CCDC170: variants seen among roughly 807,000 people sequenced by gnomAD.
CCDC170 encodes the protein coiled-coil domain containing 170, also known as coiled-coil domain-containing protein 170.
CCDC170 carries 69 observed loss-of-function variants against 72.6 expected under a neutral mutation model. That is an observed-to-expected ratio of 0.95 (90% CI 0.78 to 1.16). CCDC170 has a LOEUF of 1.16. CCDC170 is among the 50% of genes most tolerant of loss of function. The pLI is 0.00. For missense variants in CCDC170, 852 were observed against 832.5 expected, an observed-to-expected ratio of 1.02 and a Z score of -0.29; for synonymous variants, 300 against 303.9, an observed-to-expected ratio of 0.99 and a Z score of 0.13.
intron 4 of CCDC170, among the ~76,000 whole-genome samples, chr6:151,547,905 G>C (rs1056831215): frequency 6.6e-6 from 1 of 152,174 alleles, no homozygotes; most frequent in Non-Finnish European, 1.5e-5. Context: ...ATGGCCGTGT[G>C]TTCTCTGTAT....
chr6:151,575,100 G>A (rs9479075), intron 6 of CCDC170, among the ~76,000 whole-genome samples: 72,622 of 152,002 alleles, frequency 0.48, 19,038 homozygotes, highest in Non-Finnish European at 0.6. Context: ...CTTCAGTGCA[G>A]GCTTTGTTTA....
intron 9 of CCDC170, among the ~76,000 whole-genome samples, chr6:151,609,533 T>TA (rs1446694051): frequency 6.6e-6 from 1 of 152,220 alleles, no homozygotes; most frequent in Non-Finnish European, 1.5e-5. Context: ...AGACAGTAGA[T>TA]ACAGTGTTTA....
At chr6:151,530,415 C>A (rs568313775) in intron 1 of CCDC170, among the ~76,000 whole-genome samples, 14 of 150,048 alleles carry the variant, frequency 9.3e-5, no homozygotes, top group Non-Finnish European at 1.6e-4. Context: ...ACTATCTTTT[C>A]ATATGATTAA....
At chr6:151,584,189 A>G (rs964409638) in intron 6 of CCDC170, among the ~76,000 whole-genome samples, 1 of 152,258 alleles carries the variant, frequency 6.6e-6, no homozygotes, top group Non-Finnish European at 1.5e-5. Context: ...TAAGTGCAAT[A>G]AAGTGAGATG....
At chr6:151,548,022 CT>C (rs1782804317) in intron 4 of CCDC170, among the ~76,000 whole-genome samples, 1 of 152,222 alleles carries the variant, frequency 6.6e-6, no homozygotes, top group Non-Finnish European at 1.5e-5. Context: ...AGAGCTTCAC[CT>C]TACCTGATGT....
intron 9 of CCDC170, among the ~76,000 whole-genome samples, chr6:151,598,342 T>G (rs945913649): frequency 6.6e-6 from 1 of 152,190 alleles, no homozygotes; most frequent in African/African-American, 2.4e-5. Context: ...CTCAATTCCC[T>G]GGAGCCTGGA....
chr6:151,602,500 C>T (rs2115128170), intron 9 of CCDC170, among the ~76,000 whole-genome samples: 1 of 152,238 alleles, frequency 6.6e-6, no homozygotes, highest in Middle Eastern at 3.4e-3. Flanking sequence ...CTCTGTGTCC[C>T]TACCCAAATG....
intron 1 of CCDC170, among the ~76,000 whole-genome samples, chr6:151,535,199 A>G (rs919339354): frequency 2.0e-5 from 3 of 152,250 alleles, no homozygotes; most frequent in African/African-American, 7.2e-5. Flanking sequence ...CTGGGAATTT[A>G]CACTTCAAAA....
intron 6 of CCDC170, among the ~76,000 whole-genome samples, chr6:151,574,944 C>T (rs369979493): frequency 6.6e-6 from 1 of 152,162 alleles, no homozygotes; most frequent in African/African-American, 2.4e-5. Context: ...GTGTTGGTGG[C>T]CTGAACAGTC....
chr6:151,567,239 T>C (rs1464023083), intron 5 of CCDC170, among the ~76,000 whole-genome samples: 1 of 152,072 alleles, frequency 6.6e-6, no homozygotes, highest in African/African-American at 2.4e-5. Flanking sequence ...TGTTTTTATG[T>C]TTTGCTTTTC....
At chr6:151,551,154 TTTTG>T (rs1310238767) in intron 5 of CCDC170, among the ~76,000 whole-genome samples, 3 of 152,196 alleles carry the variant, frequency 2.0e-5, no homozygotes, top group African/African-American at 7.2e-5. Flanking sequence ...ATGGTTAGCA[TTTTG>T]TTTTATTTGC....
intron 1 of CCDC170, among the ~76,000 whole-genome samples, chr6:151,523,982 C>G (rs1042465340): frequency 2.6e-5 from 4 of 152,168 alleles, no homozygotes; most frequent in Non-Finnish European, 5.9e-5. Flanking sequence ...AAGGAGAAAG[C>G]TCACTGCAGG....
intron 5 of CCDC170, among the ~76,000 whole-genome samples, chr6:151,552,229 A>G (rs1782891341): frequency 6.6e-6 from 1 of 152,188 alleles, no homozygotes; most frequent in Non-Finnish European, 1.5e-5. Context: ...TTCACATTGC[A>G]TTCTATTAGA....
At chr6:151,543,093 TA>T (rs1184518042) in intron 3 of CCDC170, among the ~76,000 whole-genome samples, 6 of 152,302 alleles carry the variant, frequency 3.9e-5, no homozygotes, top group African/African-American at 9.6e-5. Context: ...CTTGGATATT[TA>T]AAAAATGACA....
intron 5 of CCDC170, among the ~76,000 whole-genome samples, chr6:151,572,932 G>A (rs1004628696): frequency 6.6e-6 from 1 of 151,962 alleles, no homozygotes; most frequent in Non-Finnish European, 1.5e-5. Flanking sequence ...GATTACAGGT[G>A]TGAGCCACCA....
chr6:151,510,606 G>A (rs1344289895), intron 1 of CCDC170, among the ~76,000 whole-genome samples: 1 of 152,122 alleles, frequency 6.6e-6, no homozygotes, highest in Non-Finnish European at 1.5e-5. Flanking sequence ...AAGATAGAAT[G>A]AGTTAAGGAA....
At chr6:151,501,498 A>G (rs973370716) in intron 1 of CCDC170, among the ~76,000 whole-genome samples, 10 of 152,194 alleles carry the variant, frequency 6.6e-5, no homozygotes, top group African/African-American at 1.7e-4. Flanking sequence ...GAATTCTAAA[A>G]TTATTTCAGA....
Position 151,571,112 on chromosome 6 carries a change from G to A in CCDC170, c.775-2062G>A, listed in dbSNP as rs531856376. On this transcript the variant is annotated intron_variant, in intron 5 of 10. Transcript: ENST00000239374. Reference sequence around the variant, plus strand: ...ATGTTATGTTTCCTATAAAAAATAGGAACTAGTGTTTCAGGCTATCCTTTT... The same window carrying A: ...ATGTTATGTTTCCTATAAAAAATAGAAACTAGTGTTTCAGGCTATCCTTTT... 3.5e-4 allele frequency among the ~76,000 whole-genome samples: 53 copies of A among 152,130 alleles called. 1 individual carries two copies. In the South Asian group the frequency reaches 0.011, roughly 31 times the overall value.
At chr6:151,595,608 G>C (rs1436323900) in intron 8 of CCDC170, among the ~76,000 whole-genome samples, 1 of 152,056 alleles carries the variant, frequency 6.6e-6, no homozygotes, top group Non-Finnish European at 1.5e-5. Flanking sequence ...TTGAACCCAG[G>C]AGTTCAAGGC....
Sources: allele counts gnomAD v4.1 joint callset (sites outside exome capture counted in the v4.1 genomes callset), GRCh38; gene constraint gnomAD v4.1.1; transcripts MANE v1.5; gene names NCBI Gene and HGNC (gene_info 2026-07-23, HGNC 2026-07-21).